Variants in RTN1 observed in about 807,000 individuals in gnomAD.
RTN1 encodes the protein reticulon-1.
RTN1 carries 25 observed loss-of-function variants against 65.5 expected under a neutral mutation model. The observed-to-expected ratio is 0.38, with a 90% confidence interval of 0.28 to 0.53. The LOEUF is 0.53. Ranked by LOEUF, RTN1 falls within the 20% of genes least tolerant of loss-of-function variation. The probability of loss-of-function intolerance (pLI) is 0.79; values close to 1 mark genes in which losing one functional copy is unlikely to be tolerated. For synonymous variants in RTN1, 471 were observed against 447.6 expected, an observed-to-expected ratio of 1.05 and a Z score of -0.66; for missense variants, 983 against 1,025.4, an observed-to-expected ratio of 0.96 and a Z score of 0.57.
rs1228908668 is a variant in RTN1, at chr14:59,749,248, C to CTATA, written c.242-2771_242-2768dup. ...TATATCTATATATATCTATATATAT[C>CTATA]TATATATCTATATATATCTATATAT... On this transcript the variant is annotated intron_variant, in intron 1 of 8. Transcript: ENST00000267484. Among the ~76,000 whole-genome samples the CTATA allele has an allele frequency of 1.9e-4, 6 of 32,060 alleles. 2 individuals carry two copies. The highest frequency in any genetic ancestry group is 6.4e-4 in the African/African-American group (3 of 4,682). The allele number at this position is 32,060 out of a possible 152,430, so 21.0% of individuals were successfully genotyped here. A position where few individuals can be genotyped will look rare whatever the true frequency, so the allele number is the denominator to read the frequency against.
At chr14:59,852,970 G>A (rs1211557318) in intron 1 of RTN1, among the ~76,000 whole-genome samples, 1 of 151,972 alleles carries the variant, frequency 6.6e-6, no homozygotes, top group East Asian at 1.9e-4. Flanking sequence ...TATATTAAAC[G>A]CTTAATAAAT....
chr14:59,864,536 C>A (rs960364706), intron 1 of RTN1, among the ~76,000 whole-genome samples: 9 of 148,488 alleles, frequency 6.1e-5, no homozygotes, highest in African/African-American at 2.0e-4. Context: ...TTACTCTCTC[C>A]CCTTGCCCCC....
intron 3 of RTN1, among the ~76,000 whole-genome samples, chr14:59,686,102 C>A (rs1050251145): frequency 3.3e-5 from 5 of 152,136 alleles, no homozygotes; most frequent in African/African-American, 1.2e-4. Flanking sequence ...TGGTGTTGGG[C>A]AAACTGGATT....
intron 1 of RTN1, among the ~76,000 whole-genome samples, chr14:59,771,947 T>G (rs1885967258): frequency 6.6e-6 from 1 of 152,248 alleles, no homozygotes. Flanking sequence ...AAAATAACCA[T>G]TTTATTTTAG....
chr14:59,663,447 A>G (rs1883295018), intron 3 of RTN1, among the ~76,000 whole-genome samples: 1 of 152,226 alleles, frequency 6.6e-6, no homozygotes. Context: ...CTAAAACACC[A>G]AAAGCAATGG....
At chr14:59,840,983 C>T (rs1887301142) in intron 1 of RTN1, among the ~76,000 whole-genome samples, 1 of 152,196 alleles carries the variant, frequency 6.6e-6, no homozygotes, top group African/African-American at 2.4e-5. Flanking sequence ...CTTCAAGTGG[C>T]ATCTTTGCTC....
At chr14:59,842,030 G>A (rs1053440366) in intron 1 of RTN1, among the ~76,000 whole-genome samples, 6 of 151,886 alleles carry the variant, frequency 4.0e-5, no homozygotes, top group African/African-American at 1.2e-4. Flanking sequence ...GGAAGCTGAG[G>A]CAAGAAAATC....
chr14:59,741,220 C>A (rs1186441674), intron 2 of RTN1, among the ~76,000 whole-genome samples: 2 of 152,162 alleles, frequency 1.3e-5, no homozygotes, highest in Non-Finnish European at 2.9e-5. Context: ...CAAGGCATTC[C>A]CAGCTCAGGG....
At chr14:59,711,898 G>A (rs534178041) in intron 3 of RTN1, among the ~76,000 whole-genome samples, 14 of 152,106 alleles carry the variant, frequency 9.2e-5, no homozygotes, top group Admixed American at 1.3e-4. Context: ...TCTGGCCTAC[G>A]AGCCATAGGC....
chr14:59,747,256 T>C (rs1005105770), intron 1 of RTN1, among the ~76,000 whole-genome samples: 3 of 152,218 alleles, frequency 2.0e-5, no homozygotes, highest in African/African-American at 7.2e-5. Context: ...TTTGAGTCTA[T>C]AGAATATTTT....
Position 59,870,465 on chromosome 14 carries a change from G to C in RTN1, c.166C>G (p.Arg56Gly), listed in dbSNP as rs752588990. 8.8e-6 allele frequency: 13 copies of C among 1,484,470 alleles called. No individual in the cohort carries two copies. The African/African-American group carries it at 1.2e-4, about 13-fold the overall frequency. 92.0% of individuals were successfully genotyped at this position (1,484,470 alleles called of 1,614,324 possible). Residue 56 changes from arginine (R) to glycine (G), a missense_variant, in exon 1 of 9, where the codon CGG becomes GGG. Around this residue, in one of 2 missense-constraint regions of RTN1, gnomAD observed 818 missense variants for 801.8 expected, o/e 1.02. Coordinates refer to ENST00000267484, the MANE Select transcript of RTN1 (RefSeq NM_021136.3). The surrounding 1 kb of genome is among the most constrained non-coding windows in gnomAD (Gnocchi z 5.1). ...EPSPGLGARAREAASREAGSG... is the reference protein window; with the variant it reads ...EPSPGLGARAGEAASREAGSG... ...CCGGCTTCCCGCGACGCCGCTTCCCGGGCCCTGGCGCCCAACCCCGGGCTG... is the reference window on the plus strand; with the variant it reads ...CCGGCTTCCCGCGACGCCGCTTCCCCGGCCCTGGCGCCCAACCCCGGGCTG...
intron 1 of RTN1, among the ~76,000 whole-genome samples, chr14:59,756,273 T>C (rs1885634646): frequency 6.6e-6 from 1 of 152,226 alleles, no homozygotes; most frequent in Admixed American, 6.5e-5. Context: ...TGTGGTCTTC[T>C]TTGAGAAACA....
rs544282572 is a variant in RTN1 at position 59,691,503 on chromosome 14, T to C, written c.1765+35416A>G. Among the ~76,000 whole-genome samples the C allele has an allele frequency of 7.0e-4, 106 of 152,118 alleles. 1 individual carries two copies. Among genetic ancestry groups the C allele is most frequent in the South Asian group, 5.0e-3 (24 of 4,816 alleles). On this transcript the variant is annotated intron_variant, in intron 3 of 8. Transcript: ENST00000267484. ...ATTCACACCCAAATCCTACCAGACA[T>C]ACAAAGAACAGCTGGTACCAATTCT... is the stretch of plus-strand genomic sequence containing the variant.
At chr14:59,705,392 G>A (rs146856254) in intron 3 of RTN1, among the ~76,000 whole-genome samples, 160 of 152,254 alleles carry the variant, frequency 1.1e-3, no homozygotes, top group African/African-American at 3.7e-3. Context: ...AGGAGGAAAT[G>A]CACTTACTAC....
At chr14:59,697,929 C>T (rs1011132111) in intron 3 of RTN1, among the ~76,000 whole-genome samples, 11 of 151,904 alleles carry the variant, frequency 7.2e-5, no homozygotes, top group African/African-American at 1.9e-4. Flanking sequence ...TTTAGAAAAG[C>T]GGGTTGGAGG....
intron 3 of RTN1, among the ~76,000 whole-genome samples, chr14:59,616,103 G>A (rs2140172353): frequency 6.6e-6 from 1 of 152,058 alleles, no homozygotes; most frequent in Non-Finnish European, 1.5e-5. Context: ...TGGCTTATTT[G>A]GTACAAAAAT....
chr14:59,750,412 G>T (rs191107375), intron 1 of RTN1, among the ~76,000 whole-genome samples: 9 of 34,966 alleles, frequency 2.6e-4, no homozygotes, highest in East Asian at 2.5e-3. Context: ...TATATTATAT[G>T]TATAATATAT....
At chr14:59,628,337 G>A (rs1882455484) in intron 3 of RTN1, among the ~76,000 whole-genome samples, 1 of 152,126 alleles carries the variant, frequency 6.6e-6, no homozygotes, top group African/African-American at 2.4e-5. Context: ...ATTCTAATGG[G>A]CAGACAGGGT....
rs549571838 is a variant in RTN1, at chr14:59,835,905, A to G, written c.241+34485T>C. Among the ~76,000 whole-genome samples the G allele has an allele frequency of 8.6e-5, 13 of 152,000 alleles. No homozygotes were observed. The South Asian group carries it at 2.5e-3, about 29-fold the overall frequency. ...TATTATCTTACAACTGTGTAGGTCC[A>G]AAGTCTGACATGGGTCTCACTGGGC... On this transcript the variant is annotated intron_variant, in intron 1 of 8. Transcript: ENST00000267484.
Sources: allele counts gnomAD v4.1 joint callset (sites outside exome capture counted in the v4.1 genomes callset), GRCh38; gene constraint gnomAD v4.1.1; regional missense constraint gnomAD v4.1.1; non-coding constraint Gnocchi (gnomAD v3.1); transcripts MANE v1.5; gene names NCBI Gene and HGNC (gene_info 2026-07-23, HGNC 2026-07-21).